Variants in CEP72 observed in about 807,000 individuals in gnomAD.
CEP72 encodes the protein centrosomal protein 72.
In CEP72, 78 loss-of-function variants were observed where a neutral mutation model predicts 65.7. The ratio of observed to expected loss-of-function variants is 1.19; its 90% CI spans 0.99 to 1.43. The LOEUF is 1.43. Ranked by LOEUF, CEP72 falls within the 40% of genes most tolerant of loss-of-function variation. CEP72 has a pLI of 0.00. For missense variants in CEP72, 914 were observed against 832.9 expected, an observed-to-expected ratio of 1.10 and a Z score of -1.20; for synonymous variants, 358 against 351.7, an observed-to-expected ratio of 1.02 and a Z score of -0.20.
chr5:627,981 G>A (rs965560930), intron 4 of CEP72, among the ~76,000 whole-genome samples: 4 of 152,170 alleles, frequency 2.6e-5, no homozygotes, highest in Non-Finnish European at 5.9e-5. Context: ...GGGTGCGCGC[G>A]GGCACGGAGC....
intron 4 of CEP72, among the ~76,000 whole-genome samples, chr5:633,251 G>T (rs1319287343): frequency 3.1e-5 from 3 of 97,966 alleles, no homozygotes; most frequent in Non-Finnish European, 3.9e-5. Flanking sequence ...ACCCAGTCCT[G>T]GTGGGGTGCT....
Position 653,081 on chromosome 5 carries a change from C to A in CEP72, c.1872C>A (p.Tyr624Ter). Residue 624 changes from tyrosine (Y) to a stop codon, truncating the protein, a stop_gained, in exon 12 of 12, where the codon TAC (tyrosine) becomes TAA (stop). Transcript: ENST00000264935. LOFTEE classifies it low-confidence loss of function (END_TRUNC). ...AGGTGGAGCAGATGCACTGGAGCTA[C>A]CAGGAGCTCAAGAAGACCATGGCCC... Reference protein sequence around the residue: ...RAEVEQMHWSYQELKKTMALF... With the variant: ...RAEVEQMHWS 1 of 1,613,828 alleles carries A rather than the reference C, an allele frequency of 6.2e-7. No individual in the cohort carries two copies. The highest frequency in any genetic ancestry group is 8.5e-7 in the Non-Finnish European group (1 of 1,180,022).
At chr5:640,009 T>C (rs1737894990) in intron 8 of CEP72, among the ~76,000 whole-genome samples, 1 of 152,186 alleles carries the variant, frequency 6.6e-6, no homozygotes, top group African/African-American at 2.4e-5. Flanking sequence ...CTCCTGAGCT[T>C]GCCATCGTCG....
At chr5:616,779 G>T (rs1190581416) in intron 1 of CEP72, among the ~76,000 whole-genome samples, 1 of 151,872 alleles carries the variant, frequency 6.6e-6, no homozygotes, top group African/African-American at 2.4e-5. Context: ...TGCTGCGCAA[G>T]GCCAGGTGGA....
chr5:652,621 T>C (rs1739182507), intron 11 of CEP72, among the ~76,000 whole-genome samples: 2 of 152,248 alleles, frequency 1.3e-5, no homozygotes, highest in South Asian at 4.1e-4. Context: ...CCGTATATTT[T>C]CTAGAATTAG....
downstream of CEP72, among the ~76,000 whole-genome samples, chr5:658,645 A>ATTTTTTTTTTTT (rs70955278): frequency 2.0e-4 from 11 of 55,986 alleles, 2 homozygotes; most frequent in Non-Finnish European, 3.7e-4. Context: ...AGCAAAGCTG[A>ATTTTTTTTTTTT]TTTTTTTTTT....
chr5:625,539 G>C (rs1736698401), intron 4 of CEP72, among the ~76,000 whole-genome samples: 1 of 152,202 alleles, frequency 6.6e-6, no homozygotes, highest in Admixed American at 6.5e-5. Flanking sequence ...CACAGCGCAG[G>C]CAGGGGCCCG....
intron 4 of CEP72, among the ~76,000 whole-genome samples, chr5:625,579 C>T (rs1736701615): frequency 6.6e-6 from 1 of 152,240 alleles, no homozygotes. Flanking sequence ...GACTTCTCTT[C>T]CAGTGTCTCC....
At chr5:616,798 G>GTT (rs1736018368) in intron 1 of CEP72, among the ~76,000 whole-genome samples, 1 of 131,828 alleles carries the variant, frequency 7.6e-6, no homozygotes, top group Admixed American at 7.4e-5. Context: ...GACGAGGGGT[G>GTT]TGTGTGTGTG....
chr5:639,164 G>A lies in CEP72; in HGVS notation c.1282G>A (p.Asp428Asn). 6.2e-7 allele frequency: 1 copy of A among 1,611,126 alleles called. No homozygotes were observed. Among genetic ancestry groups the A allele is most frequent in the Non-Finnish European group, 8.5e-7 (1 of 1,178,308 alleles). The change falls in exon 8 of 12, where the codon GAC (aspartate) becomes AAC (asparagine). Residue 428 changes from aspartate to asparagine, a missense_variant. By Grantham distance (23) the Asp-to-Asn change is conservative. Coordinates refer to ENST00000264935, the MANE Select transcript of CEP72 (RefSeq NM_018140.4). ...LQAALLETLL[D>N]LVDRSWGGCR... Reference sequence around the variant, plus strand: ...GGCGGCGCTCCTGGAGACGCTCTTGGACCTGGTGGACAGGAGCTGGGGCGG... The same window carrying A: ...GGCGGCGCTCCTGGAGACGCTCTTGAACCTGGTGGACAGGAGCTGGGGCGG...
In CEP72 at chr5:648,300, G is replaced by A. The variant is rs148155954; in HGVS notation, c.1778+384G>A. On this transcript the variant is annotated intron_variant, in intron 11 of 11. Coordinates refer to ENST00000264935, the MANE Select transcript of CEP72 (RefSeq NM_018140.4). The stretch of plus-strand genomic sequence containing the variant: ...GTGACTGTGAGGTGTGGACTGTGAG[G>A]TGTGACTGTGAGGTATGACTGTGAG... Among the ~76,000 whole-genome samples the A allele has an allele frequency of 9.8e-5, 13 of 132,308 alleles. 2 individuals carry two copies. Among genetic ancestry groups the A allele is most frequent in the African/African-American group, 3.5e-4 (12 of 33,816 alleles). 86.8% of individuals were successfully genotyped at this position (132,308 alleles called of 152,430 possible).
the CEP72 span, among the ~76,000 whole-genome samples, chr5:674,499 C>T: frequency 6.6e-6 from 1 of 152,124 alleles, no homozygotes; most frequent in Admixed American, 6.5e-5. Context: ...GTCCGAGTGC[C>T]CGGGACACGT....
intron 4 of CEP72, among the ~76,000 whole-genome samples, chr5:629,307 G>A (rs1050965175): frequency 7.9e-5 from 12 of 152,380 alleles, no homozygotes; most frequent in East Asian, 3.9e-4. Flanking sequence ...TCTTGATCAC[G>A]TGTATCTCCT....
Position 633,853 on chromosome 5 carries a change from C to G in CEP72, c.597C>G (p.Asn199Lys). 6.2e-7 allele frequency: 1 copy of G among 1,613,976 alleles called. No individual in the cohort carries two copies. Among genetic ancestry groups the G allele is most frequent in the South Asian group, 1.1e-5 (1 of 91,084 alleles). The stretch of plus-strand genomic sequence containing the variant: ...ATGCGGATGACGAGGCAGTCCTGAA[C>G]CTCATTGCAGAGTGCGAGTGGGACC... Reference protein sequence around the residue: ...VMDADDEAVLNLIAECEWDLG... With the variant: ...VMDADDEAVLKLIAECEWDLG... The change falls in exon 5 of 12, where the codon AAC becomes AAG. Residue 199 changes from asparagine (N) to lysine (K), a missense_variant. Transcript: ENST00000264935.
chr5:616,812 GTGTA>G (rs60614340), intron 1 of CEP72, among the ~76,000 whole-genome samples: 23,241 of 141,286 alleles, frequency 0.16, 1,907 homozygotes, highest in Non-Finnish European at 0.21. Context: ...GTGTGTGTGT[GTGTA>G]TGTGTGTGTG....
At chr5:669,565 C>G (rs901255005), downstream of CEP72, among the ~76,000 whole-genome samples, 1 of 152,160 alleles carries the variant, frequency 6.6e-6, no homozygotes, top group African/African-American at 2.4e-5. Flanking sequence ...ATGCGGACGC[C>G]AGGCCTGACT....
chr5:672,544 T>C, the CEP72 span, among the ~76,000 whole-genome samples: 1 of 152,190 alleles, frequency 6.6e-6, no homozygotes, highest in South Asian at 2.1e-4. Context: ...GATGGACCCA[T>C]AGGGGGCCAG....
chr5:654,002 GTGTGTGTGC>G (rs1180925890), downstream of CEP72, among the ~76,000 whole-genome samples: 469 of 147,198 alleles, frequency 3.2e-3, 2 homozygotes, highest in Non-Finnish European at 5.6e-3. Flanking sequence ...CCCTTGCTGT[GTGTGTGTGC>G]TGTGTGTGCG....
At chr5:620,029 T>G (rs774086594) in intron 2 of CEP72, 40 bp from the exon 3 acceptor site, 2 of 1,546,982 alleles carry the variant, frequency 1.3e-6, no homozygotes, top group African/African-American at 1.4e-5. Flanking sequence ...GTATTTCTTG[T>G]TTAAAGTGTG....
Sources: allele counts gnomAD v4.1 joint callset (sites outside exome capture counted in the v4.1 genomes callset), GRCh38; gene constraint gnomAD v4.1.1; transcripts MANE v1.5; gene names NCBI Gene and HGNC (gene_info 2026-07-23, HGNC 2026-07-21).